SCUBE1: variants seen among roughly 807,000 people sequenced by gnomAD.
SCUBE1 encodes the protein signal peptide, CUB domain and EGF like domain containing 1, also known as signal peptide, CUB and EGF-like domain-containing protein 1.
A neutral mutation model predicts 124.4 loss-of-function variants in SCUBE1; 59 were observed. The ratio of observed to expected loss-of-function variants is 0.47; its 90% CI spans 0.38 to 0.59. SCUBE1 has a LOEUF of 0.59. Among genes scored for constraint, SCUBE1 ranks in the 20% least tolerant of loss-of-function variants. The pLI, the probability that SCUBE1 is intolerant of heterozygous loss-of-function variation, is 0.00. For synonymous variants in SCUBE1, 545 were observed against 550.9 expected (o/e 0.99, Z 0.15); for missense variants, 1,150 against 1,371.2 (o/e 0.84, Z 2.55).
intron 6 of SCUBE1, among the ~76,000 whole-genome samples, chr22:43,240,069 G>A: frequency 6.6e-6 from 1 of 152,110 alleles, no homozygotes; most frequent in East Asian, 1.9e-4. Context: ...CACCTTGTAG[G>A]CGTGTGCAGG....
chr22:43,257,248 C>A (rs780077122), intron 6 of SCUBE1, among the ~76,000 whole-genome samples: 1 of 152,132 alleles, frequency 6.6e-6, no homozygotes, highest in South Asian at 2.1e-4. Flanking sequence ...GCTGACCAAC[C>A]CTGTCCTGTC....
At chr22:43,243,840 C>T (rs375931904) in intron 6 of SCUBE1, among the ~76,000 whole-genome samples, 1 of 152,162 alleles carries the variant, frequency 6.6e-6, no homozygotes, top group Non-Finnish European at 1.5e-5. Context: ...AGCTGCTCTG[C>T]GATTGGGTCC....
At chr22:43,259,223 A>C (rs1247193394) in intron 5 of SCUBE1, among the ~76,000 whole-genome samples, 1 of 152,206 alleles carries the variant, frequency 6.6e-6, no homozygotes, top group Admixed American at 6.5e-5. Context: ...CAGGGGGTGC[A>C]GGGCCCCTGC....
intron 3 of SCUBE1, among the ~76,000 whole-genome samples, chr22:43,308,254 T>C (rs1926046319): frequency 6.6e-6 from 1 of 152,154 alleles, no homozygotes; most frequent in East Asian, 1.9e-4. Context: ...CGGGCCTGGA[T>C]CTGTCTTGTA....
intron 7 of SCUBE1, among the ~76,000 whole-genome samples, chr22:43,236,969 G>A (rs1922791404): frequency 6.6e-6 from 1 of 152,212 alleles, no homozygotes; most frequent in African/African-American, 2.4e-5. Context: ...GCCAGTGGGA[G>A]CCAGGGCCCT....
intron 3 of SCUBE1, 116 bp from the exon 4 acceptor site, chr22:43,291,296 A>C: frequency 6.0e-6 from 7 of 1,168,246 alleles, no homozygotes; most frequent in South Asian, 1.4e-5. Flanking sequence ...GAAGGGAGGG[A>C]CTCCAGAGAG....
chr22:43,298,365 C>T lies in SCUBE1; in HGVS notation c.350-7185G>A, dbSNP rs77265377. On this transcript the variant is annotated intron_variant, in intron 3 of 21. Coordinates refer to ENST00000360835, the MANE Select transcript of SCUBE1 (RefSeq NM_173050.5). ...GCTCCTGATTCCCCAGCAGGTTGGC[C>T]GTGTGCAGAAGACACAGAGCCAACC... Among the ~76,000 whole-genome samples, 1,118 of 152,262 alleles carry T rather than the reference C, an allele frequency of 7.3e-3. 11 individuals are homozygous for T. Among genetic ancestry groups the T allele is most frequent in the Non-Finnish European group, 0.012 (849 of 68,016 alleles).
intron 2 of SCUBE1, among the ~76,000 whole-genome samples, chr22:43,334,385 C>A (rs751028841): frequency 8.5e-5 from 13 of 152,142 alleles, no homozygotes; most frequent in Non-Finnish European, 1.3e-4. Context: ...TATGAACAGT[C>A]GATGAACCAG....
rs76010917 is a variant in SCUBE1 at position 43,230,624 on chromosome 22, C to A, written c.967+1129G>T. Among the ~76,000 whole-genome samples, 1,435 of 152,320 alleles carry A rather than the reference C, an allele frequency of 9.4e-3. 19 individuals carry two copies. Among genetic ancestry groups the A allele is most frequent in the African/African-American group, 0.033 (1,351 of 41,554 alleles). The stretch of plus-strand genomic sequence containing the variant: ...AGAAACAAAGTCAAAGTCAGAAGAA[C>A]CCTGATAGGGCCTGGACAGACACTG... On this transcript the variant is annotated intron_variant, in intron 8 of 21. Transcript: ENST00000360835.
In SCUBE1 at chr22:43,199,423, T is replaced by C. The variant is rs543619434; in HGVS notation, c.*4574A>G. The C allele has an allele frequency of 6.6e-6, 1 of 151,698 alleles. No individual in the cohort carries two copies. Among genetic ancestry groups the C allele is most frequent in the Admixed American group, 6.5e-5 (1 of 15,278 alleles). The allele number at this position is 151,698 out of a possible 1,614,324, so 9.4% of individuals were successfully genotyped here. A position where few individuals can be genotyped will look rare whatever the true frequency, so the allele number is the denominator to read the frequency against. ...GGGCCATTCAGACAGAAAACTACGC[T>C]CGTTAGAGGTAGGGGAAATGGCTTC... On this transcript the variant is annotated 3_prime_UTR_variant, in exon 22 of 22. Transcript: ENST00000360835.
chr22:43,272,924 C>T (rs111957447), intron 4 of SCUBE1, among the ~76,000 whole-genome samples: 4 of 152,340 alleles, frequency 2.6e-5, no homozygotes, highest in African/African-American at 9.6e-5. Context: ...GCCCTGGTCA[C>T]GCAGCTGTCA....
chr22:43,324,946 G>A (rs764260747), intron 2 of SCUBE1, among the ~76,000 whole-genome samples: 11 of 148,140 alleles, frequency 7.4e-5, no homozygotes, highest in Middle Eastern at 3.4e-3. Context: ...AAGTTCAGAT[G>A]AGGTCATACT....
Position 43,273,561 on chromosome 22 carries a change from C to CTTTTTTT in SCUBE1, c.485-10723_485-10717dup, listed in dbSNP as rs1056252584. On this transcript the variant is annotated intron_variant, in intron 4 of 21. Coordinates refer to ENST00000360835, the MANE Select transcript of SCUBE1 (RefSeq NM_173050.5). ...TATAAAGTGGGGAGACTAAAACCCT[C>CTTTTTTT]TTTTTTTTTTTTTTTTTTTTTTTTG... Among the ~76,000 whole-genome samples, 117 of 60,970 alleles carry CTTTTTTT rather than the reference C, an allele frequency of 1.9e-3. 21 individuals are homozygous for CTTTTTTT. Among genetic ancestry groups the CTTTTTTT allele is most frequent in the African/African-American group, 3.0e-3 (46 of 15,252 alleles). The allele number at this position is 60,970 out of a possible 152,430, so 40.0% of individuals were successfully genotyped here.
intron 3 of SCUBE1, 134 bp downstream of exon 3, chr22:43,319,803 G>A: frequency 9.1e-7 from 1 of 1,093,308 alleles, no homozygotes; most frequent in South Asian, 1.7e-5. Context: ...GTGGTATTTT[G>A]TTATGACAAC....
chr22:43,262,039 C>T (rs930165560), intron 5 of SCUBE1, among the ~76,000 whole-genome samples: 2 of 152,194 alleles, frequency 1.3e-5, no homozygotes, highest in East Asian at 1.9e-4. Context: ...ACGTGGGCCC[C>T]GTAGGCAGAC....
chr22:43,233,105 C>T (rs1922620243), intron 7 of SCUBE1, among the ~76,000 whole-genome samples: 1 of 152,234 alleles, frequency 6.6e-6, no homozygotes, highest in Non-Finnish European at 1.5e-5. Flanking sequence ...TGGCTCATGC[C>T]TGTAATCCCA....
chr22:43,207,991 C>G, intron 20 of SCUBE1, 81 bp downstream of exon 20: 5 of 1,498,716 alleles, frequency 3.3e-6, no homozygotes, highest in Non-Finnish European at 4.6e-6. Context: ...TCCCTGAGGG[C>G]GGGGACGTGC....
At chr22:43,334,295 G>A (rs540445832) in intron 2 of SCUBE1, among the ~76,000 whole-genome samples, 1 of 151,894 alleles carries the variant, frequency 6.6e-6, no homozygotes, top group East Asian at 1.9e-4. Context: ...CTTATTGTAT[G>A]TTCTTGATAA....
intron 7 of SCUBE1, chr22:43,233,383 A>AATG (rs1555995754): frequency 6.6e-6 from 1 of 152,226 alleles, no homozygotes; most frequent in Non-Finnish European, 1.5e-5. Flanking sequence ...TAATAATAAT[A>AATG]ATCAGTGCTG....
Sources: allele counts gnomAD v4.1 joint callset (sites outside exome capture counted in the v4.1 genomes callset), GRCh38; gene constraint gnomAD v4.1.1; transcripts MANE v1.5; gene names NCBI Gene and HGNC (gene_info 2026-07-23, HGNC 2026-07-21).